Variants in CAST observed in about 807,000 individuals in gnomAD.
CAST encodes the protein MIR583 host.
Under a neutral mutation model 119.6 loss-of-function variants are expected in CAST, and 76 were observed. That is an observed-to-expected ratio of 0.64 (90% confidence interval 0.53 to 0.77). The LOEUF (loss-of-function observed/expected upper bound fraction) is 0.77, where lower values mean the gene tolerates loss of function less well. CAST is among the 30% of genes least tolerant of loss of function. The probability of loss-of-function intolerance (pLI) is 0.00; values close to 1 mark genes in which losing one functional copy is unlikely to be tolerated. For missense variants in CAST, 953 were observed against 946.5 expected, an observed-to-expected ratio of 1.01 and a Z score of -0.09; for synonymous variants, 319 against 331.6, an observed-to-expected ratio of 0.96 and a Z score of 0.41.
intron 2 of CAST, among the ~76,000 whole-genome samples, chr5:96,684,931 A>C (rs1038284928): frequency 6.6e-6 from 1 of 151,672 alleles, no homozygotes; most frequent in Middle Eastern, 3.2e-3. Flanking sequence ...TTTAAAAAGA[A>C]TATGAAAATA....
the CAST span, among the ~76,000 whole-genome samples, chr5:96,431,358 C>T: frequency 1.3e-5 from 2 of 152,178 alleles, no homozygotes; most frequent in Admixed American, 6.5e-5. Context: ...ATGTTTTCTC[C>T]TTTGGGCAGT....
At chr5:96,257,793 G>A in the CAST span, among the ~76,000 whole-genome samples, 1 of 152,196 alleles carries the variant, frequency 6.6e-6, no homozygotes, top group Admixed American at 6.5e-5. Flanking sequence ...AGTTCTCCGA[G>A]GGCTTACTCA....
At chr5:96,442,354 A>T in the CAST span, among the ~76,000 whole-genome samples, 2 of 152,198 alleles carry the variant, frequency 1.3e-5, no homozygotes, top group Non-Finnish European at 2.9e-5. Flanking sequence ...GTAAGTACTC[A>T]ATAAAATCTA....
intron 1 of CAST, among the ~76,000 whole-genome samples, chr5:96,616,713 C>T (rs1341979417): frequency 6.6e-6 from 1 of 150,980 alleles, no homozygotes. Flanking sequence ...GCCTCTTAGA[C>T]ACCAAGCGCT....
At chr5:96,537,211 C>A (rs1164034002) in intron 1 of CAST, among the ~76,000 whole-genome samples, 1 of 152,242 alleles carries the variant, frequency 6.6e-6, no homozygotes, top group Non-Finnish European at 1.5e-5. Context: ...CTTCACCCAA[C>A]TCAGTTACCA....
At chr5:95,961,756 T>C in the CAST span, 1 of 1,566,472 alleles carries the variant, frequency 6.4e-7, no homozygotes, top group Non-Finnish European at 8.6e-7. Flanking sequence ...CCGCCGCCGC[T>C]CCGGCTCTAG....
intron 1 of CAST, among the ~76,000 whole-genome samples, chr5:96,624,671 T>C (rs191658351): frequency 6.6e-6 from 1 of 152,344 alleles, no homozygotes; most frequent in East Asian, 1.9e-4. Flanking sequence ...ACCCATCCCT[T>C]GTTTATGAAT....
At chr5:96,607,157 G>A (rs1336159092) in intron 1 of CAST, among the ~76,000 whole-genome samples, 3 of 152,102 alleles carry the variant, frequency 2.0e-5, no homozygotes, top group East Asian at 1.9e-4. Flanking sequence ...GCGTGGTGGT[G>A]GGCGCCTGTA....
intron 25 of CAST, chr5:96,763,269 G>A: frequency 1.3e-6 from 1 of 780,522 alleles, no homozygotes; most frequent in South Asian, 1.3e-5. Context: ...GCCCAGACCT[G>A]GCCCCGGGCA....
the CAST span, among the ~76,000 whole-genome samples, chr5:96,117,592 A>AT: frequency 2.0e-5 from 3 of 152,282 alleles, no homozygotes; most frequent in East Asian, 5.8e-4. Context: ...ACTTCAGGTA[A>AT]TTTTTTAAAG....
At chr5:96,070,106 C>A in the CAST span, among the ~76,000 whole-genome samples, 10 of 152,236 alleles carry the variant, frequency 6.6e-5, 1 homozygote, top group African/African-American at 2.4e-4. Context: ...TCTATTAAAG[C>A]CCTCAAATGA....
At chr5:96,162,410 A>ATTGT in the CAST span, among the ~76,000 whole-genome samples, 30 of 151,902 alleles carry the variant, frequency 2.0e-4, no homozygotes, top group African/African-American at 3.9e-4. Flanking sequence ...GGGATGGTAT[A>ATTGT]TTGTTTGTTT....
the CAST span, among the ~76,000 whole-genome samples, chr5:96,029,422 G>A: frequency 6.6e-6 from 1 of 151,940 alleles, no homozygotes; most frequent in Non-Finnish European, 1.5e-5. Flanking sequence ...TAGATAGAAT[G>A]AAACTTCATG....
chr5:96,146,186 A>G, the CAST span, among the ~76,000 whole-genome samples: 1 of 152,206 alleles, frequency 6.6e-6, no homozygotes, highest in Non-Finnish European at 1.5e-5. Context: ...GCAATTAATC[A>G]CTGTAAAAGC....
chr5:95,983,606 A>G, the CAST span, among the ~76,000 whole-genome samples: 4 of 152,170 alleles, frequency 2.6e-5, no homozygotes, highest in African/African-American at 9.6e-5. Flanking sequence ...AGATTACTCC[A>G]TTTTTATGTG....
chr5:96,241,219 C>A, the CAST span, among the ~76,000 whole-genome samples: 2 of 122,160 alleles, frequency 1.6e-5, no homozygotes, highest in East Asian at 2.8e-4. Context: ...CCCCTCCCCC[C>A]ACCCCACAAC....
chr5:96,770,475 TAATTG>T, intron 29 of CAST, 51 bp from the exon 30 acceptor site: 1 of 1,072,916 alleles, frequency 9.3e-7, no homozygotes, highest in Non-Finnish European at 1.5e-6. Context: ...GCAGCCTAGT[TAATTG>T]CTAGATGGAT....
intron 1 of CAST, among the ~76,000 whole-genome samples, chr5:96,605,027 C>T (rs1747226889): frequency 6.6e-6 from 1 of 152,146 alleles, no homozygotes; most frequent in South Asian, 2.1e-4. Flanking sequence ...CCAACAACAC[C>T]CTGTGATAAG....
chr5:96,007,337 A>G, the CAST span, among the ~76,000 whole-genome samples: 1 of 152,248 alleles, frequency 6.6e-6, no homozygotes, highest in Non-Finnish European at 1.5e-5. Flanking sequence ...GCAAGACTGG[A>G]TTAACCATCC....
Sources: gnomAD v4.1 joint callset for allele counts (sites outside exome capture counted in the v4.1 genomes callset) on GRCh38, gnomAD v4.1.1 for gene constraint, MANE v1.5 for transcripts, NCBI Gene and HGNC (gene_info 2026-07-23, HGNC 2026-07-21) for gene names.